Variants in IL34 observed in about 807,000 individuals in gnomAD.
IL34 encodes the protein interleukin 34, also known as interleukin-34.
In IL34, 17 loss-of-function variants were observed where a neutral mutation model predicts 25.3. The observed-to-expected ratio is 0.67, with a 90% CI of 0.46 to 1.01. The LOEUF (loss-of-function observed/expected upper bound fraction) is 1.01, where lower values mean the gene tolerates loss of function less well. Among genes scored for constraint, IL34 ranks in the 50% least tolerant of loss-of-function variants. The pLI is 0.00. For missense variants in IL34, 368 were observed against 312.9 expected, an observed-to-expected ratio of 1.18 and a Z score of -1.33; for synonymous variants, 174 against 140.9, an observed-to-expected ratio of 1.23 and a Z score of -1.66.
intron 2 of IL34, among the ~76,000 whole-genome samples, chr16:70,655,995 C>T (rs1337604648): frequency 2.0e-5 from 3 of 152,198 alleles, no homozygotes; most frequent in African/African-American, 2.4e-5. Flanking sequence ...AGTTGTGCAA[C>T]CATCACCATC....
intron 1 of IL34, among the ~76,000 whole-genome samples, chr16:70,651,433 A>T (rs1203597380): frequency 6.6e-6 from 1 of 152,166 alleles, no homozygotes; most frequent in Non-Finnish European, 1.5e-5. Flanking sequence ...GGGAGAGAGG[A>T]AGTGCAAGAT....
intron 1 of IL34, among the ~76,000 whole-genome samples, chr16:70,650,853 A>G (rs1259872650): frequency 6.6e-6 from 1 of 152,174 alleles, no homozygotes; most frequent in East Asian, 1.9e-4. Context: ...TCCCATTTCT[A>G]CTGCTTGAGG....
chr16:70,599,557 G>A (rs1256733556), intron 1 of IL34, among the ~76,000 whole-genome samples: 1 of 150,622 alleles, frequency 6.6e-6, no homozygotes, highest in Non-Finnish European at 1.5e-5. Context: ...TAGTAGAGAC[G>A]GGGTTTCGCC....
Position 70,606,425 on chromosome 16 carries a change from A to C in IL34, c.-401+26376A>C, listed in dbSNP as rs1327874971. Among the ~76,000 whole-genome samples, 4 of 152,152 alleles carry C rather than the reference A, an allele frequency of 2.6e-5. No individual in the cohort carries two copies. The East Asian group carries it at 7.7e-4, about 29-fold the overall frequency. ...AAAACAAAAATAAAAATAAATAAAT[A>C]TGTAGATCATAAATCAAGATAGTGA... On this transcript the variant is annotated intron_variant, in intron 1 of 6. Coordinates refer to the IL34 transcript ENST00000429149.
At chr16:70,656,816 C>T (rs2052236225) in intron 3 of IL34, 137 bp downstream of exon 3, 11 of 1,077,924 alleles carry the variant, frequency 1.0e-5, no homozygotes, top group Admixed American at 5.2e-5. Context: ...CAGGCTGGCC[C>T]TTGGCCCAGG....
At chr16:70,601,763 G>A (rs1055060304) in intron 1 of IL34, among the ~76,000 whole-genome samples, 1 of 152,182 alleles carries the variant, frequency 6.6e-6, no homozygotes, top group Non-Finnish European at 1.5e-5. Context: ...AGGTGGGATG[G>A]GGACAGAGGG....
intron 1 of IL34, among the ~76,000 whole-genome samples, chr16:70,584,632 C>G (rs2151802677): frequency 6.6e-6 from 1 of 152,268 alleles, no homozygotes. Context: ...GGCATCTTCT[C>G]AATTATTCCC....
chr16:70,623,159 C>T (rs555555425), intron 1 of IL34, among the ~76,000 whole-genome samples: 4,370 of 152,068 alleles, frequency 0.029, 235 homozygotes, highest in African/African-American at 0.1. Context: ...TCTGTGACGC[C>T]TTGCAGCAGT....
At chr16:70,605,788 A>G (rs1475216680) in intron 1 of IL34, among the ~76,000 whole-genome samples, 1 of 151,744 alleles carries the variant, frequency 6.6e-6, no homozygotes, top group Non-Finnish European at 1.5e-5. Context: ...TTCCTGCCTC[A>G]GCCTCCTGAG....
upstream of IL34, among the ~76,000 whole-genome samples, chr16:70,645,041 G>T (rs190838014): frequency 4.8e-4 from 72 of 148,812 alleles, no homozygotes; most frequent in African/African-American, 1.8e-3. Flanking sequence ...AAGGAAGGAG[G>T]ACGAGGAAGG....
chr16:70,626,189 T>A (rs970378856), intron 1 of IL34, among the ~76,000 whole-genome samples: 7 of 152,234 alleles, frequency 4.6e-5, no homozygotes, highest in African/African-American at 7.2e-5. Flanking sequence ...GTTTACATAT[T>A]AGTGAGATCA....
chr16:70,624,977 G>C (rs1012385212), intron 1 of IL34, among the ~76,000 whole-genome samples: 3 of 152,026 alleles, frequency 2.0e-5, no homozygotes, highest in Non-Finnish European at 4.4e-5. Context: ...GGAAGGGACT[G>C]ATGTGTAAAA....
intron 1 of IL34, among the ~76,000 whole-genome samples, chr16:70,637,868 C>T (rs2051691854): frequency 6.6e-6 from 1 of 152,164 alleles, no homozygotes; most frequent in South Asian, 2.1e-4. Context: ...GCAATCGGCA[C>T]ATGGTCAGCA....
At chr16:70,602,055 A>G (rs1185520649) in intron 1 of IL34, among the ~76,000 whole-genome samples, 1 of 152,210 alleles carries the variant, frequency 6.6e-6, no homozygotes, top group African/African-American at 2.4e-5. Context: ...GACTGCCCTG[A>G]CAAGCTCAAG....
chr16:70,606,557 C>T (rs2051007880), intron 1 of IL34, among the ~76,000 whole-genome samples: 2 of 152,260 alleles, frequency 1.3e-5, no homozygotes, highest in South Asian at 4.1e-4. Flanking sequence ...AACCACTGAT[C>T]TGTCTTCTGT....
At chr16:70,590,227 T>C (rs976643215) in intron 1 of IL34, among the ~76,000 whole-genome samples, 1 of 152,092 alleles carries the variant, frequency 6.6e-6, no homozygotes, top group African/African-American at 2.4e-5. Context: ...CTAGCATGTG[T>C]GGGATGGGCA....
rs2051945492 is a variant in IL34, at chr16:70,646,861, C to T, written c.-87C>T. On this transcript the variant is annotated 5_prime_UTR_variant, in exon 1 of 6. Coordinates refer to ENST00000288098, the MANE Select transcript of IL34 (RefSeq NM_001393494.1). ...TGACTGAGTGACCACCTCTGCTGCC[C>T]CGAGGCCATGTAGGCCGTGCTTAGG... 2 of 1,321,514 alleles carry T rather than the reference C, an allele frequency of 1.5e-6. No homozygotes were observed. The highest frequency in any genetic ancestry group is 1.0e-6 in the Non-Finnish European group (1 of 996,052). 81.9% of individuals were successfully genotyped at this position (1,321,514 alleles called of 1,614,324 possible).
intron 4 of IL34, 99 bp from the exon 5 acceptor site, chr16:70,659,519 C>A: frequency 7.1e-7 from 1 of 1,417,694 alleles, no homozygotes; most frequent in Non-Finnish European, 9.4e-7. Flanking sequence ...GGTCCTTCTT[C>A]CGGGGTTTGG....
intron 1 of IL34, among the ~76,000 whole-genome samples, chr16:70,598,508 G>T (rs895451275): frequency 6.6e-6 from 1 of 152,168 alleles, no homozygotes; most frequent in Non-Finnish European, 1.5e-5. Context: ...GGAGGCCAAG[G>T]CTGGCGGATC....
Sources: allele counts gnomAD v4.1 joint callset (sites outside exome capture counted in the v4.1 genomes callset), GRCh38; gene constraint gnomAD v4.1.1; transcripts MANE v1.5; gene names NCBI Gene and HGNC (gene_info 2026-07-23, HGNC 2026-07-21).